ZNRF2: variants seen among roughly 807,000 people sequenced by gnomAD.
The protein encoded by ZNRF2 is E3 ubiquitin-protein ligase ZNRF2.
ZNRF2 carries 16 observed loss-of-function variants against 20.4 expected under a neutral mutation model. The observed-to-expected ratio is 0.79, with a 90% CI of 0.53 to 1.19. The LOEUF (loss-of-function observed/expected upper bound fraction) is 1.19, where lower values mean the gene tolerates loss of function less well. Ranked by LOEUF, ZNRF2 falls within the 50% of genes most tolerant of loss-of-function variation. The pLI, the probability that ZNRF2 is intolerant of heterozygous loss-of-function variation, is 0.00. For missense variants in ZNRF2, 363 were observed against 332.4 expected (o/e 1.09, Z -0.72); for synonymous variants, 178 against 144.9 (o/e 1.23, Z -1.64).
At chr7:30,357,490 TAGAA>T in intron 3 of ZNRF2, among the ~76,000 whole-genome samples, 1 of 152,182 alleles carries the variant, frequency 6.6e-6, no homozygotes. Context: ...CATGTTACAG[TAGAA>T]AGAAAGGCTG....
At chr7:30,286,733 C>G (rs958332076) in intron 1 of ZNRF2, among the ~76,000 whole-genome samples, 1 of 152,186 alleles carries the variant, frequency 6.6e-6, no homozygotes, top group Non-Finnish European at 1.5e-5. Context: ...TCAAGACCAC[C>G]TCCCCTCTCC....
intron 1 of ZNRF2, chr7:30,289,861 C>T (rs1798867134): frequency 1.9e-6 from 1 of 534,058 alleles, no homozygotes; most frequent in African/African-American, 1.9e-5. Context: ...TAGTGTCTTA[C>T]TCCCTCAGGC....
chr7:30,338,541 C>A (rs899951365), intron 2 of ZNRF2, among the ~76,000 whole-genome samples: 9 of 150,224 alleles, frequency 6.0e-5, no homozygotes, highest in African/African-American at 2.2e-4. Context: ...TTTTCTGTTC[C>A]TGTGTTAGTT....
intron 1 of ZNRF2, among the ~76,000 whole-genome samples, chr7:30,299,795 T>G (rs1799080037): frequency 2.7e-5 from 4 of 149,590 alleles, no homozygotes; most frequent in Admixed American, 1.3e-4. Context: ...TTTTTTTTTT[T>G]GGGAGACAGA....
Position 30,353,722 on chromosome 7 carries a change from A to C in ZNRF2, c.566-2006A>C, listed in dbSNP as rs146221995. On this transcript the variant is annotated intron_variant, in intron 2 of 4. Coordinates refer to ENST00000323037, the MANE Select transcript of ZNRF2 (RefSeq NM_147128.4). ...GAGATGCGTCTAAAATCGATGTTGC[A>C]TCATAGTTTGGTGGAAGCATTTTTT... is the stretch of plus-strand genomic sequence containing the variant. Among the ~76,000 whole-genome samples the C allele has an allele frequency of 6.8e-3, 1,032 of 152,230 alleles. 16 individuals carry two copies. The highest frequency in any genetic ancestry group is 0.024 in the African/African-American group (993 of 41,548).
intron 2 of ZNRF2, among the ~76,000 whole-genome samples, chr7:30,347,962 A>G (rs1005865554): frequency 6.6e-6 from 1 of 152,174 alleles, no homozygotes; most frequent in African/African-American, 2.4e-5. Context: ...TTTTCTAAAT[A>G]TGTTAGAATT....
chr7:30,306,140 T>C (rs1799200719), intron 1 of ZNRF2, among the ~76,000 whole-genome samples: 1 of 152,186 alleles, frequency 6.6e-6, no homozygotes, highest in African/African-American at 2.4e-5. Context: ...AGTGTTTGGC[T>C]TAAAGTGCTC....
At chr7:30,300,956 G>A (rs937777133) in intron 1 of ZNRF2, among the ~76,000 whole-genome samples, 2 of 152,144 alleles carry the variant, frequency 1.3e-5, no homozygotes, top group Non-Finnish European at 2.9e-5. Context: ...TACAGCTGGG[G>A]CTAAAAAAAT....
chr7:30,314,442 T>G (rs1222388566), intron 1 of ZNRF2, among the ~76,000 whole-genome samples: 1 of 152,184 alleles, frequency 6.6e-6, no homozygotes, highest in Non-Finnish European at 1.5e-5. Flanking sequence ...GTAGGTTATA[T>G]GTATTTAAAA....
intron 2 of ZNRF2, among the ~76,000 whole-genome samples, chr7:30,329,608 C>T (rs1037098765): frequency 6.6e-6 from 1 of 152,144 alleles, no homozygotes; most frequent in African/African-American, 2.4e-5. Flanking sequence ...TCCTCCAGTT[C>T]CATCCATGTT....
At chr7:30,294,323 ATCAT>A (rs1342272244) in intron 1 of ZNRF2, among the ~76,000 whole-genome samples, 1 of 152,104 alleles carries the variant, frequency 6.6e-6, no homozygotes, top group Non-Finnish European at 1.5e-5. Flanking sequence ...CATTTTCATT[ATCAT>A]TGAGTACACA....
chr7:30,329,726 A>G (rs532532088), intron 2 of ZNRF2, among the ~76,000 whole-genome samples: 1 of 152,288 alleles, frequency 6.6e-6, no homozygotes, highest in Admixed American at 6.5e-5. Context: ...CTTAGGTTGA[A>G]TCCATATCTT....
intron 2 of ZNRF2, among the ~76,000 whole-genome samples, chr7:30,334,196 T>C (rs1346932217): frequency 6.6e-6 from 1 of 152,170 alleles, no homozygotes; most frequent in Non-Finnish European, 1.5e-5. Context: ...GGGTTCAGTT[T>C]CATTCTTCTG....
intron 4 of ZNRF2, among the ~76,000 whole-genome samples, 168 bp from the exon 5 acceptor site, chr7:30,365,867 G>T (rs537776030): frequency 6.6e-6 from 1 of 152,036 alleles, no homozygotes; most frequent in African/African-American, 2.4e-5. Flanking sequence ...GTGAAAGGGG[G>T]ATGACTTTGT....
At position 30,345,328 on chromosome 7, in the gene ZNRF2, T is replaced by C. The variant is rs541031305; in HGVS notation, c.566-10400T>C. On this transcript the variant is annotated intron_variant, in intron 2 of 4. Transcript: ENST00000323037. ...TTTTACCTTCATTTTTGTAATAGCT[T>C]TTTTTTCCCCTTCCCTTCAGGTTTC... is the stretch of plus-strand genomic sequence containing the variant. 5.9e-5 allele frequency among the ~76,000 whole-genome samples: 9 copies of C among 152,142 alleles called. No individual in the cohort carries two copies. The South Asian group carries it at 1.9e-3, about 32-fold the overall frequency.
chr7:30,361,386 A>G (rs1241495293), intron 3 of ZNRF2, among the ~76,000 whole-genome samples: 1 of 152,232 alleles, frequency 6.6e-6, no homozygotes, highest in Admixed American at 6.5e-5. Context: ...TTTACCTACC[A>G]AACCAACCTA....
chr7:30,294,512 GTGGCTCATGCCTGTAATCCTAGCACTT>G (rs1319918583), intron 1 of ZNRF2, among the ~76,000 whole-genome samples: 21 of 152,278 alleles, frequency 1.4e-4, no homozygotes, highest in Middle Eastern at 6.8e-3. Flanking sequence ...GCTGGGCACT[GTGGCTCATGCCTGTAATCCTAGCACTT>G]TGGGAGGCCC....
chr7:30,307,463 C>G (rs975036119), intron 1 of ZNRF2, among the ~76,000 whole-genome samples: 2 of 148,640 alleles, frequency 1.3e-5, no homozygotes, highest in Non-Finnish European at 3.0e-5. Flanking sequence ...CCAGGTAGAT[C>G]TCTGTAAGAT....
intron 2 of ZNRF2, among the ~76,000 whole-genome samples, chr7:30,334,020 AT>A (rs567112544): frequency 1.3e-5 from 2 of 151,972 alleles, no homozygotes; most frequent in African/African-American, 4.8e-5. Context: ...TGTCAATTTT[AT>A]TTTTGTTGCG....
Sources: allele counts gnomAD v4.1 joint callset (sites outside exome capture counted in the v4.1 genomes callset), GRCh38; gene constraint gnomAD v4.1.1; transcripts MANE v1.5; gene names NCBI Gene and HGNC (gene_info 2026-07-23, HGNC 2026-07-21).